The following OTOF variants were observed in gnomAD, a reference collection of about 807,000 sequenced individuals.
The protein encoded by OTOF is otoferlin.
A neutral mutation model predicts 236.8 loss-of-function variants in OTOF; 218 were observed. That is an observed-to-expected ratio of 0.92 (90% CI 0.82 to 1.03). The LOEUF (loss-of-function observed/expected upper bound fraction) is 1.03, where lower values mean the gene tolerates loss of function less well. Ranked by LOEUF, OTOF falls within the 50% of genes least tolerant of loss-of-function variation. The pLI is 0.00. For synonymous variants in OTOF, 1,041 were observed against 1,072.5 expected, an observed-to-expected ratio of 0.97 and a Z score of 0.57; for missense variants, 2,590 against 2,694.4, an observed-to-expected ratio of 0.96 and a Z score of 0.86.
chr2:26,537,222 C>T (rs1455509980), intron 2 of OTOF, among the ~76,000 whole-genome samples: 2 of 152,240 alleles, frequency 1.3e-5, no homozygotes, highest in Admixed American at 6.5e-5. Flanking sequence ...GGAGATGGCG[C>T]CCTCACTCAG....
intron 32 of OTOF, among the ~76,000 whole-genome samples, chr2:26,469,434 A>G (rs1189091545): frequency 6.6e-6 from 1 of 152,234 alleles, no homozygotes; most frequent in African/African-American, 2.4e-5. Flanking sequence ...TTTGCTGAGC[A>G]CACAGCCACC....
In OTOF at chr2:26,516,633, A is replaced by G. The variant is rs200324147; in HGVS notation, c.328-34T>C. 1.9e-6 allele frequency: 3 copies of G among 1,597,028 alleles called. No individual in the cohort carries two copies. In the African/African-American group the frequency reaches 4.0e-5, roughly 21 times the overall value. ...AGGGAGGCGGTGGTGAGCAGCTGGGATGGTGACAGCAATCTCCACCCCGTA... is the reference window on the plus strand; with the variant it reads ...AGGGAGGCGGTGGTGAGCAGCTGGGGTGGTGACAGCAATCTCCACCCCGTA... On this transcript the variant is annotated intron_variant, in intron 4 of 46. Transcript: ENST00000272371.
At chr2:26,521,720 C>A (rs577476773) in intron 3 of OTOF, among the ~76,000 whole-genome samples, 3 of 152,360 alleles carry the variant, frequency 2.0e-5, no homozygotes, top group African/African-American at 7.2e-5. Context: ...CAGATTAATT[C>A]CATCCCTAAA....
rs1438485526 is a variant in OTOF at position 26,477,390 on chromosome 2, C to T, written c.2406+26G>A. The T allele has an allele frequency of 1.2e-5, 19 of 1,567,752 alleles. No homozygotes were observed. Among genetic ancestry groups the T allele is most frequent in the Non-Finnish European group, 1.6e-5 (18 of 1,155,340 alleles). ...TCTCACAACCAGGCCCTCCCTCCAGCCCCCGCCGTCCAGTTGCGTCCTCAC... is the reference window on the plus strand; with the variant it reads ...TCTCACAACCAGGCCCTCCCTCCAGTCCCCGCCGTCCAGTTGCGTCCTCAC... On this transcript the variant is annotated intron_variant, in intron 20 of 46. Transcript: ENST00000272371. This position sits in a 1 kb window ranked among gnomAD's most constrained non-coding sequence, Gnocchi z 4.7.
chr2:26,487,175 C>A (rs529126135), intron 11 of OTOF, among the ~76,000 whole-genome samples: 50 of 152,282 alleles, frequency 3.3e-4, no homozygotes, highest in African/African-American at 1.2e-3. Flanking sequence ...ATATCGACAC[C>A]ACCCAAAGCT....
chr2:26,463,427 T>G, intron 41 of OTOF, 56 bp downstream of exon 41: 1 of 1,400,290 alleles, frequency 7.1e-7, no homozygotes. Flanking sequence ...TGGGCCGTGG[T>G]GGGAAGTGGG....
At chr2:26,528,122 C>T (rs1666855901) in intron 2 of OTOF, among the ~76,000 whole-genome samples, 1 of 152,170 alleles carries the variant, frequency 6.6e-6, no homozygotes. Context: ...TTGTTGCCCA[C>T]TCCTCTTTCA....
Position 26,480,874 on chromosome 2 carries a change from C to G in OTOF, c.1715G>C (p.Gly572Ala). ...GGTGTCTACGATCTCCACAGCCAGG[C>G]CCAGCAGGAGCCGGGCCCGGAAGGA... ...GVSFRARLLLGLAVEIVDTSN... is the reference protein window; with the variant it reads ...GVSFRARLLLALAVEIVDTSN... The change falls in exon 15 of 47, where the codon GGC becomes GCC. Residue 572 changes from glycine (G) to alanine (A), a missense_variant. By Grantham distance (60) the Gly-to-Ala change is moderately conservative (BLOSUM62 0). Transcript: ENST00000272371. 1 of 1,613,016 alleles carries G rather than the reference C, an allele frequency of 6.2e-7. No individual in the cohort carries two copies. Among genetic ancestry groups the G allele is most frequent in the Non-Finnish European group, 8.5e-7 (1 of 1,179,990 alleles).
chr2:26,467,462 G>C lies in OTOF; in HGVS notation c.4130C>G (p.Ala1377Gly). The change falls in exon 34 of 47, where the codon GCT (alanine) becomes GGT (glycine). Residue 1377 changes from alanine (A) to glycine (G), a missense_variant. Ala to Gly is a moderately conservative substitution (Grantham distance 60). Around this residue, in one of 2 missense-constraint regions of OTOF, gnomAD observed 1,211 missense variants for 1,352.8 expected, o/e 0.90. Transcript: ENST00000272371. ...GSMKGKEKAR[A>G]AKEEKKKKTQ... The stretch of plus-strand genomic sequence containing the variant: ...TTTCTTCTTCTTCTCCTCTTTGGCA[G>C]CCCTTGCCTTCTCCTTGCCCTTCAT... 1 of 1,614,048 alleles carries C rather than the reference G, an allele frequency of 6.2e-7. No homozygotes were observed. Among genetic ancestry groups the C allele is most frequent in the Non-Finnish European group, 8.5e-7 (1 of 1,180,014 alleles).
intron 3 of OTOF, among the ~76,000 whole-genome samples, chr2:26,526,979 C>T (rs530592556): frequency 2.0e-5 from 3 of 152,326 alleles, no homozygotes; most frequent in South Asian, 4.1e-4. Context: ...GTGTGTGCCA[C>T]ACCTGGCTGT....
intron 1 of OTOF, among the ~76,000 whole-genome samples, chr2:26,546,821 G>A (rs368406233): frequency 6.7e-6 from 1 of 148,548 alleles, no homozygotes; most frequent in East Asian, 2.0e-4. Context: ...TCCTGTCTTT[G>A]GTAAAATTTA....
chr2:26,496,984 T>C (rs934290588), intron 8 of OTOF, among the ~76,000 whole-genome samples: 10 of 152,114 alleles, frequency 6.6e-5, no homozygotes, highest in African/African-American at 2.4e-4. Context: ...AGGGAGCTTG[T>C]GCATGATACT....
chr2:26,458,178 C>T lies in OTOF; in HGVS notation c.*60G>A, dbSNP rs775406506. ...GGGTGCAGATGAGGTACTTGATGGA[C>T]TTGAGAGGGTTGAGGAACCAGACGA... is the stretch of plus-strand genomic sequence containing the variant. On this transcript the variant is annotated 3_prime_UTR_variant, in exon 47 of 47. Transcript: ENST00000272371. 2.1e-5 allele frequency: 34 copies of T among 1,612,546 alleles called. No individual in the cohort carries two copies. The South Asian group carries it at 3.2e-4, about 15-fold the overall frequency.
intron 9 of OTOF, among the ~76,000 whole-genome samples, chr2:26,489,954 G>A (rs531206245): frequency 4.6e-5 from 7 of 152,342 alleles, no homozygotes; most frequent in Non-Finnish European, 1.0e-4. Context: ...AGGTGGGGCT[G>A]GTGCTGGCTA....
intron 3 of OTOF, among the ~76,000 whole-genome samples, chr2:26,526,414 A>T (rs1245779571): frequency 1.3e-5 from 2 of 152,100 alleles, no homozygotes; most frequent in Non-Finnish European, 2.9e-5. Context: ...AGGATGGATG[A>T]AAGAAAGGAA....
rs191481823 is a variant in OTOF at position 26,529,242 on chromosome 2, C to T, written c.139-1322G>A. Among the ~76,000 whole-genome samples, 808 of 152,282 alleles carry T rather than the reference C, an allele frequency of 5.3e-3. 1 individual carries two copies. Among genetic ancestry groups the T allele is most frequent in the Middle Eastern group, 0.01 (3 of 294 alleles). ...GTCTGCTCAAGACGCTGTGGAGAGA[C>T]CGTGTCAGGGAGGATTTTGACAGAT... On this transcript the variant is annotated intron_variant, in intron 2 of 46. Transcript: ENST00000272371.
At chr2:26,551,077 C>T (rs1313663337) in intron 1 of OTOF, among the ~76,000 whole-genome samples, 75 of 152,176 alleles carry the variant, frequency 4.9e-4, no homozygotes, top group Non-Finnish European at 8.8e-5. Flanking sequence ...GCAGCCTCTG[C>T]CTCCTGGGTT....
At chr2:26,482,111 T>C (rs1427034863) in intron 14 of OTOF, among the ~76,000 whole-genome samples, 1 of 152,210 alleles carries the variant, frequency 6.6e-6, no homozygotes, top group African/African-American at 2.4e-5. Flanking sequence ...CATATCATAC[T>C]ATAATTATCA....
chr2:26,469,133 T>G (rs960269449), intron 32 of OTOF, among the ~76,000 whole-genome samples: 2 of 152,232 alleles, frequency 1.3e-5, no homozygotes, highest in African/African-American at 4.8e-5. Context: ...AATGTTGCTT[T>G]TAGTGATATT....
Sources: allele counts gnomAD v4.1 joint callset (sites outside exome capture counted in the v4.1 genomes callset), GRCh38; gene constraint gnomAD v4.1.1; regional missense constraint gnomAD v4.1.1; non-coding constraint Gnocchi (gnomAD v3.1); transcripts MANE v1.5; gene names NCBI Gene and HGNC (gene_info 2026-07-23, HGNC 2026-07-21).